Variants in CDC42BPB observed in about 807,000 individuals in gnomAD.
CDC42BPB encodes CDC42 binding protein kinase beta.
In CDC42BPB, 37 loss-of-function variants were observed where a neutral mutation model predicts 214.9. The ratio of observed to expected loss-of-function variants is 0.17; its 90% confidence interval spans 0.13 to 0.23. CDC42BPB has a LOEUF of 0.23. Ranked by LOEUF, CDC42BPB falls within the 10% of genes least tolerant of loss-of-function variation. The pLI, the probability that CDC42BPB is intolerant of heterozygous loss-of-function variation, is 1.00. For synonymous variants in CDC42BPB, 931 were observed against 884.0 expected, an observed-to-expected ratio of 1.05 and a Z score of -0.94; for missense variants, 1,694 against 2,227.0, an observed-to-expected ratio of 0.76 and a Z score of 4.82.
chr14:102,981,142 C>G, intron 7 of CDC42BPB, 121 bp from the exon 8 acceptor site: 1 of 1,495,570 alleles, frequency 6.7e-7, no homozygotes, highest in Non-Finnish European at 8.9e-7. Context: ...TTCATGGGAA[C>G]TAAATGCAAT....
chr14:102,942,800 G>T (rs1566842117), intron 30 of CDC42BPB, among the ~76,000 whole-genome samples: 1 of 152,078 alleles, frequency 6.6e-6, no homozygotes, highest in East Asian at 1.9e-4. Flanking sequence ...TGCGTCCCGG[G>T]TTCAAGCAAT....
At chr14:102,961,061 G>A (rs984858973) in intron 20 of CDC42BPB, among the ~76,000 whole-genome samples, 3 of 152,076 alleles carry the variant, frequency 2.0e-5, no homozygotes, top group Non-Finnish European at 2.9e-5. Flanking sequence ...CAGCTACTCA[G>A]GGGGCTGAGG....
At chr14:102,948,955 C>T (rs1004078451) in intron 26 of CDC42BPB, among the ~76,000 whole-genome samples, 4 of 152,052 alleles carry the variant, frequency 2.6e-5, no homozygotes, top group African/African-American at 9.7e-5. Flanking sequence ...TGCCGACTCA[C>T]CCTCGCTGTC....
intron 3 of CDC42BPB, among the ~76,000 whole-genome samples, chr14:103,008,130 G>C (rs1885950480): frequency 6.6e-6 from 1 of 152,194 alleles, no homozygotes; most frequent in Non-Finnish European, 1.5e-5. Context: ...ATGTGAGCAG[G>C]GTCCAAACGT....
intron 8 of CDC42BPB, among the ~76,000 whole-genome samples, chr14:102,980,540 T>C (rs1163031854): frequency 6.6e-6 from 1 of 152,112 alleles, no homozygotes; most frequent in African/African-American, 2.4e-5. Flanking sequence ...AGTATTTCTG[T>C]TGAGTTGCAA....
rs1219774240 is a variant in CDC42BPB, at chr14:102,964,104, A to G, written c.2726+398T>C. ...AATGCCATCTTCAACCTCTGTTTTA[A>G]AATATTCACGTTAGCTTGAAAGGAA... is the stretch of plus-strand genomic sequence containing the variant. On this transcript the variant is annotated intron_variant, in intron 19 of 36. Coordinates refer to ENST00000361246, the MANE Select transcript of CDC42BPB (RefSeq NM_006035.4). 3.9e-5 allele frequency among the ~76,000 whole-genome samples: 6 copies of G among 152,358 alleles called. No homozygotes were observed. The East Asian group carries it at 1.2e-3, about 29-fold the overall frequency.
At chr14:102,961,271 T>C (rs1244561306) in intron 20 of CDC42BPB, among the ~76,000 whole-genome samples, 1 of 152,094 alleles carries the variant, frequency 6.6e-6, no homozygotes, top group Non-Finnish European at 1.5e-5. Flanking sequence ...TGTATTTTCC[T>C]ATTTATGACT....
chr14:103,010,516 C>A (rs1371234068), intron 2 of CDC42BPB, among the ~76,000 whole-genome samples: 1 of 152,220 alleles, frequency 6.6e-6, no homozygotes, highest in Non-Finnish European at 1.5e-5. Flanking sequence ...CCTTCTTTCA[C>A]GTCTGCACAC....
intron 30 of CDC42BPB, among the ~76,000 whole-genome samples, chr14:102,942,766 G>A (rs190508606): frequency 4.5e-4 from 68 of 151,520 alleles, no homozygotes; most frequent in African/African-American, 1.3e-3. Context: ...GTGCAGTGGC[G>A]CGATCTTGGA....
chr14:102,979,432 G>A (rs1893901133), intron 8 of CDC42BPB, among the ~76,000 whole-genome samples: 1 of 152,198 alleles, frequency 6.6e-6, no homozygotes, highest in Middle Eastern at 3.4e-3. Context: ...GGCTGGTCTC[G>A]AAATCCTGAC....
chr14:102,995,426 A>C (rs13379310), intron 5 of CDC42BPB, among the ~76,000 whole-genome samples: 66,004 of 152,074 alleles, frequency 0.43, 15,280 homozygotes, highest in African/African-American at 0.58. Flanking sequence ...CCACCTGCCT[A>C]GGCCTCCCAA....
At chr14:103,049,531 T>C (rs1324562211) in intron 1 of CDC42BPB, among the ~76,000 whole-genome samples, 1 of 152,246 alleles carries the variant, frequency 6.6e-6, no homozygotes, top group Non-Finnish European at 1.5e-5. Flanking sequence ...CAGTTAAAAG[T>C]GGTAGTCTGT....
At chr14:103,035,748 G>C (rs1320876008) in intron 1 of CDC42BPB, among the ~76,000 whole-genome samples, 1 of 152,062 alleles carries the variant, frequency 6.6e-6, no homozygotes, top group Non-Finnish European at 1.5e-5. Flanking sequence ...GCTGAGGCAG[G>C]AGAATGGCAT....
chr14:103,054,402 CA>C (rs1185922548), intron 1 of CDC42BPB, among the ~76,000 whole-genome samples: 1 of 152,148 alleles, frequency 6.6e-6, no homozygotes, highest in Non-Finnish European at 1.5e-5. Flanking sequence ...GTGGTGAATC[CA>C]AAAACTGAAC....
intron 10 of CDC42BPB, 38 bp from the exon 11 acceptor site, chr14:102,975,841 C>T (rs369967892): frequency 2.4e-5 from 39 of 1,613,818 alleles, no homozygotes; most frequent in African/African-American, 2.0e-4. Flanking sequence ...GCAGCCTGGC[C>T]GCAGCGCCCC....
At chr14:102,963,785 C>A (rs1164689522) in intron 19 of CDC42BPB, among the ~76,000 whole-genome samples, 2 of 152,184 alleles carry the variant, frequency 1.3e-5, no homozygotes, top group East Asian at 3.8e-4. Context: ...TACAGCAATT[C>A]CCAGTATAAA....
intron 8 of CDC42BPB, among the ~76,000 whole-genome samples, chr14:102,979,077 C>A (rs2139508922): frequency 6.6e-6 from 1 of 152,262 alleles, no homozygotes; most frequent in Non-Finnish European, 1.5e-5. Context: ...AGTCTGGAGT[C>A]AGAGTCTAGG....
chr14:102,971,944 C>A lies in CDC42BPB; in HGVS notation c.1859G>T (p.Arg620Leu). 1 of 1,614,234 alleles carries A rather than the reference C, an allele frequency of 6.2e-7. No homozygotes were observed. Among genetic ancestry groups the A allele is most frequent in the East Asian group, 2.2e-5 (1 of 44,886 alleles). Reference sequence around the variant, plus strand: ...CTCTTTCCTGAGCTTCTCAGCTCTCCGCATTTCCTGCCGCATGGCGTCCAC... The same window carrying A: ...CTCTTTCCTGAGCTTCTCAGCTCTCAGCATTTCCTGCCGCATGGCGTCCAC... ...QKVDAMRQEM[R>L]RAEKLRKELE... is the part of the protein sequence containing the mutation. The change falls in exon 13 of 37, where the codon CGG (arginine) becomes CTG (leucine). Residue 620 changes from arginine to leucine, a missense_variant. Around this residue, in one of 7 missense-constraint regions of CDC42BPB, gnomAD observed 462 missense variants for 513.5 expected, o/e 0.90. Transcript: ENST00000361246.
In CDC42BPB at chr14:102,978,112, A is replaced by G. The variant is rs1239291901; in HGVS notation, c.1220+14T>C. ...GGGAAGTGTCTCCCTGGGGAATGAT[A>G]AATCCAGACATACCTTTCCGTTGTG... On this transcript the variant is annotated intron_variant, in intron 9 of 36. Coordinates refer to ENST00000361246, the MANE Select transcript of CDC42BPB (RefSeq NM_006035.4). The G allele has an allele frequency of 6.3e-7, 1 of 1,593,610 alleles. No homozygotes were observed. Among genetic ancestry groups the G allele is most frequent in the Admixed American group, 1.7e-5 (1 of 59,994 alleles).
Sources: gnomAD v4.1 joint callset for allele counts (sites outside exome capture counted in the v4.1 genomes callset) on GRCh38, gnomAD v4.1.1 for gene constraint, gnomAD v4.1.1 regional missense constraint, MANE v1.5 for transcripts, NCBI Gene and HGNC (gene_info 2026-07-23, HGNC 2026-07-21) for gene names.